The following COLQ variants were observed in gnomAD, a reference collection of about 807,000 sequenced individuals.
COLQ encodes collagen like tail subunit of asymmetric acetylcholinesterase.
In COLQ, 48 loss-of-function variants were observed where a neutral mutation model predicts 69.0. The ratio of observed to expected loss-of-function variants is 0.70; its 90% confidence interval spans 0.55 to 0.88. The LOEUF is 0.88. Among genes scored for constraint, COLQ ranks in the 40% least tolerant of loss-of-function variants. The pLI, the probability that COLQ is intolerant of heterozygous loss-of-function variation, is 0.00. For missense variants in COLQ, 618 were observed against 594.6 expected (o/e 1.04, Z -0.41); for synonymous variants, 217 against 211.2 (o/e 1.03, Z -0.24).
intron 1 of COLQ, among the ~76,000 whole-genome samples, chr3:15,497,986 G>T (rs1203550461): frequency 6.6e-6 from 1 of 152,220 alleles, no homozygotes; most frequent in Non-Finnish European, 1.5e-5. Context: ...GCCTTCTGCT[G>T]TATGTCCCTG....
intron 3 of COLQ, 103 bp downstream of exon 3, chr3:15,488,103 C>A: frequency 1.2e-6 from 1 of 850,058 alleles, no homozygotes; most frequent in Non-Finnish European, 1.9e-6. Flanking sequence ...GGAAAAACAG[C>A]TTTGTATCAC....
At chr3:15,494,556 A>G (rs9841004) in intron 1 of COLQ, among the ~76,000 whole-genome samples, 4,133 of 152,158 alleles carry the variant, frequency 0.027, 188 homozygotes, top group African/African-American at 0.092. Context: ...CCTAAATGGC[A>G]TCTGTAGTTG....
At chr3:15,460,607 T>C (rs982645265) in intron 12 of COLQ, among the ~76,000 whole-genome samples, 1 of 152,212 alleles carries the variant, frequency 6.6e-6, no homozygotes, top group Non-Finnish European at 1.5e-5. Context: ...CGGAGGAGAC[T>C]GAACTTTCCT....
Position 15,473,450 on chromosome 3 carries a change from G to T in COLQ, c.636+550C>A, listed in dbSNP as rs1358400371. The stretch of plus-strand genomic sequence containing the variant: ...TGGGATTACAGGCATGAGGCACCAT[G>T]CCTGGCCAATATTTAACTATTTAAA... On this transcript the variant is annotated intron_variant, in intron 10 of 16. Coordinates refer to ENST00000383788, the MANE Select transcript of COLQ (RefSeq NM_005677.4). The surrounding 1 kb of genome is among the most constrained non-coding windows in gnomAD (Gnocchi z 4.0). Among the ~76,000 whole-genome samples, 1 of 152,160 alleles carries T rather than the reference G, an allele frequency of 6.6e-6. No homozygotes were observed.
chr3:15,477,411 G>A, intron 5 of COLQ: 1 of 570,276 alleles, frequency 1.8e-6, no homozygotes, highest in Non-Finnish European at 3.1e-6. Flanking sequence ...AGAAATGGAG[G>A]GTGGTGAGAA....
intron 1 of COLQ, among the ~76,000 whole-genome samples, chr3:15,491,436 G>A (rs2062665406): frequency 6.6e-6 from 1 of 152,164 alleles, no homozygotes; most frequent in Admixed American, 6.5e-5. Flanking sequence ...GCCAGCATCT[G>A]CCGACCATCT....
chr3:15,502,468 T>A (rs543808267), intron 1 of COLQ, among the ~76,000 whole-genome samples: 1 of 152,096 alleles, frequency 6.6e-6, no homozygotes, highest in East Asian at 1.9e-4. Context: ...TAGGCTGGAG[T>A]GCAGCAGCAC....
At chr3:15,513,363 G>A (rs949962965) in intron 1 of COLQ, among the ~76,000 whole-genome samples, 2 of 152,154 alleles carry the variant, frequency 1.3e-5, no homozygotes, top group Non-Finnish European at 2.9e-5. Context: ...CCCATTCGTC[G>A]ATCCTGCTCA....
At chr3:15,501,338 G>A (rs2062827054) in intron 1 of COLQ, among the ~76,000 whole-genome samples, 1 of 152,182 alleles carries the variant, frequency 6.6e-6, no homozygotes, top group African/African-American at 2.4e-5. Flanking sequence ...CCCTGCCGAT[G>A]GGGCTGAAGT....
chr3:15,521,381 T>C (rs1442661669), intron 1 of COLQ, 139 bp downstream of exon 1: 90 of 1,103,756 alleles, frequency 8.2e-5, no homozygotes, highest in Non-Finnish European at 1.2e-4. Context: ...AGGAAGCTGC[T>C]GGGGTGGCCG....
In COLQ at chr3:15,455,966, C is replaced by A. The variant is rs751113924; in HGVS notation, c.1128G>T (p.Gly376=). The change falls in exon 15 of 17, where the codon GGG becomes GGT. Residue 376 remains glycine (G), a synonymous_variant. Transcript: ENST00000383788. ...DYTADQHGTC[G]DGLLQPGEEC... is the part of the protein sequence containing the mutation. The stretch of plus-strand genomic sequence containing the variant: ...CCTCCCCAGGCTGCAGGAGCCCATC[C>A]CCACAGGTGCCGTGCTGGTCTGCAG... 4 of 1,613,634 alleles carry A rather than the reference C, an allele frequency of 2.5e-6. No individual in the cohort carries two copies. The East Asian group carries it at 6.7e-5, about 27-fold the overall frequency.
chr3:15,453,216 G>A (rs990950472), intron 16 of COLQ, among the ~76,000 whole-genome samples: 1 of 152,234 alleles, frequency 6.6e-6, no homozygotes, highest in South Asian at 2.1e-4. Flanking sequence ...AGGCGCCAGT[G>A]TGGAGCCAGG....
At chr3:15,485,834 C>T (rs2062563682) in intron 3 of COLQ, among the ~76,000 whole-genome samples, 4 of 152,134 alleles carry the variant, frequency 2.6e-5, no homozygotes, top group South Asian at 2.1e-4. Flanking sequence ...GGTATGTGCA[C>T]CTGTGGTCCC....
intron 1 of COLQ, among the ~76,000 whole-genome samples, chr3:15,496,497 C>A (rs1004453997): frequency 3.3e-5 from 5 of 152,170 alleles, no homozygotes; most frequent in African/African-American, 1.2e-4. Flanking sequence ...AGAATTGTGT[C>A]TGAGCTCAGG....
intron 1 of COLQ, 52 bp from the exon 2 acceptor site, chr3:15,489,689 G>C: frequency 6.5e-7 from 1 of 1,533,850 alleles, no homozygotes; most frequent in Non-Finnish European, 9.0e-7. Flanking sequence ...CTGGGCCTCT[G>C]TCACACCCAC....
rs767102444 is a variant in COLQ, at chr3:15,477,203, A to G, written c.394-6T>C. 3.7e-6 allele frequency: 6 copies of G among 1,604,094 alleles called. No homozygotes were observed. The highest frequency in any genetic ancestry group is 5.1e-6 in the Non-Finnish European group (6 of 1,175,570). ...CCTGGGGGGCCAGGTCTACCCTTCA[A>G]AGACCAAGAACAAAAGTCAGGGCAA... is the stretch of plus-strand genomic sequence containing the variant. On this transcript the variant is annotated splice_polypyrimidine_tract_variant and splice_region_variant and intron_variant, in intron 5 of 16. Coordinates refer to ENST00000383788, the MANE Select transcript of COLQ (RefSeq NM_005677.4).
chr3:15,470,128 A>G (rs1472034413), intron 11 of COLQ, among the ~76,000 whole-genome samples: 1 of 152,206 alleles, frequency 6.6e-6, no homozygotes, highest in East Asian at 1.9e-4. Flanking sequence ...GTTGAGACCC[A>G]GAAGACCTCT....
chr3:15,489,429 G>A, intron 2 of COLQ, 96 bp downstream of exon 2: 1 of 1,128,406 alleles, frequency 8.9e-7, no homozygotes, highest in Non-Finnish European at 1.3e-6. Context: ...AGATTCCGGA[G>A]GCAGCTCAGG....
rs537253574 is a variant in COLQ, at chr3:15,452,992, A to G, written c.1298+837T>C. Among the ~76,000 whole-genome samples the G allele has an allele frequency of 8.5e-5, 13 of 152,354 alleles. No individual in the cohort carries two copies. In the South Asian group the frequency reaches 2.7e-3, roughly 32 times the overall value. ...GGACTCAAGGACAGAAGAGATCGGAAGCACCAGTAGATCCACTCTGGAACC... is the reference window on the plus strand; with the variant it reads ...GGACTCAAGGACAGAAGAGATCGGAGGCACCAGTAGATCCACTCTGGAACC... On this transcript the variant is annotated intron_variant, in intron 16 of 16. Transcript: ENST00000383788.
Sources: gnomAD v4.1 joint callset for allele counts (sites outside exome capture counted in the v4.1 genomes callset) on GRCh38, gnomAD v4.1.1 for gene constraint, Gnocchi (gnomAD v3.1) non-coding constraint, MANE v1.5 for transcripts, NCBI Gene and HGNC (gene_info 2026-07-23, HGNC 2026-07-21) for gene names.